The following G2E3 variants were observed in gnomAD, a reference collection of about 807,000 sequenced individuals.
The protein encoded by G2E3 is G2/M phase-specific E3 ubiquitin-protein ligase.
G2E3 carries 35 observed loss-of-function variants against 92.8 expected under a neutral mutation model. The observed-to-expected ratio is 0.38, with a 90% CI of 0.29 to 0.50. The LOEUF (loss-of-function observed/expected upper bound fraction) is 0.50, where lower values mean the gene tolerates loss of function less well. Among genes scored for constraint, G2E3 ranks in the 20% least tolerant of loss-of-function variants. The probability of loss-of-function intolerance (pLI) is 0.94; values close to 1 mark genes in which losing one functional copy is unlikely to be tolerated. For missense variants in G2E3, 554 were observed against 823.8 expected (o/e 0.67, Z 4.01); for synonymous variants, 242 against 272.4 (o/e 0.89, Z 1.10).
chr14:30,598,562 C>T lies in G2E3; in HGVS notation c.715C>T (p.Arg239Cys), dbSNP rs914644324. 1.4e-5 allele frequency: 23 copies of T among 1,613,070 alleles called. No homozygotes were observed. The highest frequency in any genetic ancestry group is 1.7e-5 in the Admixed American group (1 of 60,002). The change falls in exon 8 of 15, where the codon CGT becomes TGT. Residue 239 changes from arginine (R) to cysteine (C), a missense_variant. This residue lies in a region of G2E3 where 397 missense variants were observed against 560.3 expected (regional missense o/e 0.71). Coordinates refer to ENST00000206595, the MANE Select transcript of G2E3 (RefSeq NM_017769.5). ...HYERCDVRRC[R>C]CKEGRDYNAP... ...TGAGCGTTGTGATGTTCGAAGATGT[C>T]GTTGCAAAGAAGGGCGAGACTATAA...
chr14:30,570,143 T>G (rs1341528495), intron 1 of G2E3, among the ~76,000 whole-genome samples: 6 of 152,222 alleles, frequency 3.9e-5, no homozygotes. Flanking sequence ...ATATGTCATC[T>G]CACTGCCTTC....
At chr14:30,598,739 G>T in intron 8 of G2E3, 140 bp downstream of exon 8, 2 of 689,688 alleles carry the variant, frequency 2.9e-6, no homozygotes, top group Non-Finnish European at 5.3e-6. Flanking sequence ...ATTTTCTAAT[G>T]CACATTTACG....
intron 11 of G2E3, among the ~76,000 whole-genome samples, chr14:30,606,922 A>T (rs1307834629): frequency 2.0e-5 from 3 of 152,116 alleles, no homozygotes; most frequent in Admixed American, 6.5e-5. Flanking sequence ...TTTGGGAAAG[A>T]TTATTTAGTG....
intron 1 of G2E3, among the ~76,000 whole-genome samples, chr14:30,569,828 A>C (rs1444417869): frequency 6.6e-6 from 1 of 152,214 alleles, no homozygotes; most frequent in African/African-American, 2.4e-5. Context: ...AGCAAGAGCA[A>C]CTTCCAGAAG....
chr14:30,591,219 C>G (rs555793277), intron 4 of G2E3, among the ~76,000 whole-genome samples: 2 of 152,224 alleles, frequency 1.3e-5, no homozygotes, highest in South Asian at 4.1e-4. Context: ...GGCAGGTATT[C>G]TCCAGTGACC....
At chr14:30,606,267 A>G (rs921701955) in intron 11 of G2E3, among the ~76,000 whole-genome samples, 3 of 151,602 alleles carry the variant, frequency 2.0e-5, no homozygotes, top group African/African-American at 7.3e-5. Context: ...TATGTATATG[A>G]TGGTTTTCTG....
At position 30,586,739 on chromosome 14, in the gene G2E3, A is replaced by G. The variant is rs778230556; in HGVS notation, c.59A>G (p.His20Arg). The G allele has an allele frequency of 2.1e-6, 3 of 1,400,186 alleles. No homozygotes were observed. The East Asian group carries it at 7.3e-5, about 34-fold the overall frequency. 86.7% of individuals were successfully genotyped at this position (1,400,186 alleles called of 1,614,324 possible). A position where few individuals can be genotyped will look rare whatever the true frequency, so the allele number is the denominator to read the frequency against. Reference sequence around the variant, plus strand: ...TTAGCTTGTGTTTTCTGTCGAAAACATGATGACTGTCCTAATAAATACGGA... The same window carrying G: ...TTAGCTTGTGTTTTCTGTCGAAAACGTGATGACTGTCCTAATAAATACGGA... ...QNLACVFCRK[H>R]DDCPNKYGEK... Residue 20 changes from histidine to arginine, a missense_variant, in exon 3 of 15, where the codon CAT becomes CGT. His to Arg is a conservative substitution (Grantham distance 29). This residue lies in a region of G2E3 where 137 missense variants were observed against 201.3 expected (regional missense o/e 0.68). Transcript: ENST00000206595.
chr14:30,605,001 A>G (rs976203196), intron 10 of G2E3, among the ~76,000 whole-genome samples: 2 of 152,080 alleles, frequency 1.3e-5, no homozygotes, highest in Admixed American at 6.6e-5. Flanking sequence ...GGTTCAAGTG[A>G]TTCTCCTGCC....
chr14:30,560,663 A>G, intron 1 of G2E3: 1 of 614,122 alleles, frequency 1.6e-6, no homozygotes, highest in South Asian at 1.9e-5. Context: ...ATTTTTTTCT[A>G]CCTGAATTAT....
intron 6 of G2E3, among the ~76,000 whole-genome samples, chr14:30,596,514 T>C (rs1304978763): frequency 1.3e-5 from 2 of 152,214 alleles, no homozygotes; most frequent in African/African-American, 4.8e-5. Context: ...ACTTCATATA[T>C]ATTATTCCCC....
chr14:30,613,424 G>A (rs995987320), intron 13 of G2E3, among the ~76,000 whole-genome samples: 1 of 152,136 alleles, frequency 6.6e-6, no homozygotes, highest in Admixed American at 6.5e-5. Flanking sequence ...ACCAGTATAA[G>A]TCTCTTTATA....
intron 1 of G2E3, among the ~76,000 whole-genome samples, chr14:30,572,956 G>A (rs1879853614): frequency 6.6e-6 from 1 of 151,786 alleles, no homozygotes; most frequent in Non-Finnish European, 1.5e-5. Context: ...GCTACTTTTT[G>A]TAATAATTTA....
chr14:30,564,011 G>A (rs1043246205), intron 1 of G2E3, among the ~76,000 whole-genome samples: 1 of 152,058 alleles, frequency 6.6e-6, no homozygotes, highest in African/African-American at 2.4e-5. Flanking sequence ...GAGCCACCGC[G>A]CCCAGCCATT....
intron 14 of G2E3, among the ~76,000 whole-genome samples, chr14:30,616,015 G>A (rs1162003798): frequency 7.9e-5 from 12 of 152,000 alleles, no homozygotes; most frequent in Non-Finnish European, 1.5e-4. Flanking sequence ...GTTTTTTACC[G>A]TTTAGTCTTT....
chr14:30,569,844 C>T, intron 1 of G2E3, among the ~76,000 whole-genome samples: 1 of 152,166 alleles, frequency 6.6e-6, no homozygotes, highest in East Asian at 1.9e-4. Flanking sequence ...AGAAGAAATT[C>T]CTGACATTCC....
chr14:30,562,966 A>G (rs1879201636), intron 1 of G2E3, among the ~76,000 whole-genome samples: 1 of 152,112 alleles, frequency 6.6e-6, no homozygotes, highest in Admixed American at 6.5e-5. Context: ...TCTTGTATCC[A>G]ATAAATATCA....
At chr14:30,566,634 ATTC>A (rs1320573095) in intron 1 of G2E3, among the ~76,000 whole-genome samples, 1 of 152,204 alleles carries the variant, frequency 6.6e-6, no homozygotes, top group Non-Finnish European at 1.5e-5. Flanking sequence ...TTTTTTGTGA[ATTC>A]TGTAGGAAAT....
intron 1 of G2E3, among the ~76,000 whole-genome samples, chr14:30,575,681 A>G (rs968202897): frequency 2.6e-5 from 4 of 152,216 alleles, no homozygotes; most frequent in African/African-American, 4.8e-5. Flanking sequence ...TGCAGGATGC[A>G]AAATCAACAT....
chr14:30,593,865 A>G (rs1881142470), intron 6 of G2E3, among the ~76,000 whole-genome samples: 1 of 152,152 alleles, frequency 6.6e-6, no homozygotes, highest in South Asian at 2.1e-4. Context: ...TTTTTAATGT[A>G]TATTTATACT....
Sources: gnomAD v4.1 joint callset for allele counts (sites outside exome capture counted in the v4.1 genomes callset) on GRCh38, gnomAD v4.1.1 for gene constraint, gnomAD v4.1.1 regional missense constraint, MANE v1.5 for transcripts, NCBI Gene and HGNC (gene_info 2026-07-23, HGNC 2026-07-21) for gene names.